The following CP variants were observed in gnomAD, a reference collection of about 807,000 sequenced individuals.
The protein encoded by CP is caeruloplasmin.
Under a neutral mutation model 122.4 loss-of-function variants are expected in CP, and 64 were observed. That is an observed-to-expected ratio of 0.52 (90% CI 0.43 to 0.64). CP has a LOEUF of 0.64. Among genes scored for constraint, CP ranks in the 30% least tolerant of loss-of-function variants. The pLI is 0.00. For missense variants in CP, 1,167 were observed against 1,284.4 expected (o/e 0.91, Z 1.40); for synonymous variants, 440 against 436.4 (o/e 1.01, Z -0.10).
chr3:149,175,836 T>C (rs1363858537), intron 18 of CP: 9 of 169,770 alleles, frequency 5.3e-5, no homozygotes, highest in Middle Eastern at 3.0e-3. Context: ...TTTGAAATTA[T>C]ATTATTTGGG....
In CP at chr3:149,205,697, A is replaced by G. The variant is rs1021412569; in HGVS notation, c.1208+471T>C. On this transcript the variant is annotated intron_variant, in intron 6 of 18. Transcript: ENST00000264613. ...TGAGTTGCCTAGAATAGGAAAACTC[A>G]TAGAGACAGAAAGTAGAATCGAGCT... Among the ~76,000 whole-genome samples the G allele has an allele frequency of 3.9e-5, 6 of 152,308 alleles. 1 individual carries two copies. Among genetic ancestry groups the G allele is most frequent in the Admixed American group, 1.3e-4 (2 of 15,300 alleles).
chr3:149,179,871 C>T (rs539295654), intron 14 of CP: 2 of 535,554 alleles, frequency 3.7e-6, no homozygotes, highest in East Asian at 3.4e-5. Context: ...AAAATTTTGT[C>T]ATTTTTTGGG....
intron 9 of CP, among the ~76,000 whole-genome samples, chr3:149,192,529 C>A (rs1032878944): frequency 6.7e-6 from 1 of 148,534 alleles, no homozygotes; most frequent in Non-Finnish European, 1.5e-5. Flanking sequence ...CTATGTAACA[C>A]TGAAAACAGC....
downstream of CP, chr3:149,171,951 C>A: frequency 1.6e-6 from 1 of 628,998 alleles, no homozygotes; most frequent in Non-Finnish European, 2.8e-6. Flanking sequence ...GTGATCTGCC[C>A]ACCTCGGCCT....
At chr3:149,167,162 G>A (rs1199675106) in intron 4 of CP, 2 of 1,613,682 alleles carry the variant, frequency 1.2e-6, no homozygotes, top group African/African-American at 1.3e-5. Context: ...AGTATGAACA[G>A]TGCATAGACA....
chr3:149,179,907 C>T, intron 14 of CP: 1 of 461,354 alleles, frequency 2.2e-6, no homozygotes. Flanking sequence ...CTATAACCCA[C>T]TTGCCATACC....
In CP at chr3:149,206,028, A is replaced by G. The variant is rs547647653; in HGVS notation, c.1208+140T>C. ...TTCTCAAGCTCAGACTCTTACATCA[A>G]ATACCTTAATAAATATTTAGCAGTC... is the stretch of plus-strand genomic sequence containing the variant. On this transcript the variant is annotated intron_variant, in intron 6 of 18. Coordinates refer to ENST00000264613, the MANE Select transcript of CP (RefSeq NM_000096.4). 2.1e-5 allele frequency: 16 copies of G among 774,932 alleles called. No homozygotes were observed. In the African/African-American group the frequency reaches 2.8e-4, roughly 14 times the overall value. 48.0% of individuals were successfully genotyped at this position (774,932 alleles called of 1,614,324 possible).
chr3:149,218,507 C>A (rs537123218), intron 1 of CP, among the ~76,000 whole-genome samples: 2 of 152,162 alleles, frequency 1.3e-5, no homozygotes, highest in East Asian at 1.9e-4. Flanking sequence ...TTTAGTCCCC[C>A]CCAAAACCTA....
At chr3:149,181,892 A>C (rs1725803500) in intron 14 of CP, 113 bp downstream of exon 14, 11 of 1,185,298 alleles carry the variant, frequency 9.3e-6, no homozygotes, top group African/African-American at 3.0e-5. Context: ...CCCTCTTCAC[A>C]ACTACCTCCC....
chr3:149,180,556 C>A (rs1484948325), intron 14 of CP, among the ~76,000 whole-genome samples: 1 of 152,206 alleles, frequency 6.6e-6, no homozygotes, highest in African/African-American at 2.4e-5. Flanking sequence ...CATGCTATCA[C>A]ACTAACCTGC....
chr3:149,166,979 G>A, intron 4 of CP: 2 of 1,314,578 alleles, frequency 1.5e-6, no homozygotes, highest in Non-Finnish European at 2.2e-6. Context: ...TCTGCATGTT[G>A]TGTTTTAGTT....
downstream of CP, among the ~76,000 whole-genome samples, chr3:149,170,243 G>A (rs1405839377): frequency 6.6e-6 from 1 of 152,172 alleles, no homozygotes; most frequent in Non-Finnish European, 1.5e-5. Context: ...GAGGAGAATT[G>A]GGAAGTGGTG....
Position 149,186,790 on chromosome 3 carries a change from C to A in CP, c.1865-58G>T, listed in dbSNP as rs1467024756. 2.0e-6 allele frequency: 3 copies of A among 1,515,476 alleles called. No individual in the cohort carries two copies. The Admixed American group carries it at 5.0e-5, about 25-fold the overall frequency. The allele number at this position is 1,515,476 out of a possible 1,614,324, so 93.9% of individuals were successfully genotyped here. A position where few individuals can be genotyped will look rare whatever the true frequency, so the allele number is the denominator to read the frequency against. ...GGTTTAGATTCTACTACATGACAAC[C>A]TCACAGACTTTCCAGGACCAACTTT... On this transcript the variant is annotated intron_variant, in intron 10 of 18. Transcript: ENST00000264613.
intron 11 of CP, 34 bp from the exon 12 acceptor site, chr3:149,185,480 T>C (rs780050349): frequency 6.2e-7 from 1 of 1,601,208 alleles, no homozygotes; most frequent in Non-Finnish European, 8.6e-7. Context: ...TGTCACTTCT[T>C]TGCTAGTGCC....
At position 149,185,244 on chromosome 3, in the gene CP, C is replaced by G; in HGVS notation, c.2280G>C (p.Glu760Asp). 6.2e-7 allele frequency: 1 copy of G among 1,612,284 alleles called. No individual in the cohort carries two copies. The highest frequency in any genetic ancestry group is 1.3e-5 in the African/African-American group (1 of 74,914). ...EWEKELHHLQ[E>D]QNVSNAFLDK... is the part of the protein sequence containing the mutation. ...ATCAGAGTCTGGAGAATTACTTCTGCTCTTGTAAATGATGCAGCTCCTTTT... is the reference window on the plus strand; with the variant it reads ...ATCAGAGTCTGGAGAATTACTTCTGGTCTTGTAAATGATGCAGCTCCTTTT... The change falls in exon 12 of 19, where the codon GAG (glutamate) becomes GAC (aspartate). Residue 760 changes from glutamate to aspartate, a missense_variant. Coordinates refer to ENST00000264613, the MANE Select transcript of CP (RefSeq NM_000096.4).
intron 1 of CP, among the ~76,000 whole-genome samples, chr3:149,219,863 G>A (rs1302075147): frequency 6.7e-6 from 1 of 149,886 alleles, no homozygotes; most frequent in African/African-American, 2.5e-5. Flanking sequence ...TCAGATGACA[G>A]GAAGGTATGG....
At chr3:149,183,415 G>A (rs1382848311) in intron 13 of CP, 51 bp downstream of exon 13, 1 of 1,575,714 alleles carries the variant, frequency 6.3e-7, no homozygotes, top group African/African-American at 1.3e-5. Flanking sequence ...GTTACTGCAG[G>A]TAGCATCACA....
chr3:149,206,663 A>G (rs1727747374), intron 5 of CP, among the ~76,000 whole-genome samples: 1 of 152,174 alleles, frequency 6.6e-6, no homozygotes, highest in Non-Finnish European at 1.5e-5. Context: ...TAAGCAGAGA[A>G]GAGAGGCTTT....
intron 15 of CP, 25 bp downstream of exon 15, chr3:149,179,531 A>G (rs746008553): frequency 6.4e-7 from 1 of 1,561,876 alleles, no homozygotes; most frequent in African/African-American, 1.4e-5. Context: ...GGGAAGTGTC[A>G]CAAAACAAAT....
Sources: gnomAD v4.1 joint callset for allele counts (sites outside exome capture counted in the v4.1 genomes callset) on GRCh38, gnomAD v4.1.1 for gene constraint, MANE v1.5 for transcripts, NCBI Gene and HGNC (gene_info 2026-07-23, HGNC 2026-07-21) for gene names.